The following ABCA6 variants were observed in gnomAD, a reference collection of about 807,000 sequenced individuals.
The protein encoded by ABCA6 is ATP binding cassette subfamily A member 6, also known as ATP-binding cassette sub-family A member 6.
Under a neutral mutation model 191.2 loss-of-function variants are expected in ABCA6, and 164 were observed. The observed-to-expected ratio is 0.86, with a 90% CI of 0.76 to 0.98. The LOEUF (loss-of-function observed/expected upper bound fraction) is 0.98. Ranked by LOEUF, ABCA6 falls within the 50% of genes least tolerant of loss-of-function variation. The pLI is 0.00. For synonymous variants in ABCA6, 636 were observed against 647.7 expected, an observed-to-expected ratio of 0.98 and a Z score of 0.27; for missense variants, 1,958 against 1,894.1, an observed-to-expected ratio of 1.03 and a Z score of -0.63.
At chr17:69,107,991 G>C in intron 17 of ABCA6, 179 bp from the exon 18 acceptor site, 1 of 525,606 alleles carries the variant, frequency 1.9e-6, no homozygotes, top group East Asian at 3.5e-5. Flanking sequence ...AAATGACTAA[G>C]GAAGACCTCT....
At chr17:69,124,745 G>T (rs1021594844) in intron 9 of ABCA6, 143 bp downstream of exon 9, 1 of 438,654 alleles carries the variant, frequency 2.3e-6, no homozygotes, top group Non-Finnish European at 3.9e-6. Flanking sequence ...TAGACCATTA[G>T]AACTATGAAG....
intron 25 of ABCA6, among the ~76,000 whole-genome samples, chr17:69,091,878 G>A (rs1264097762): frequency 1.3e-5 from 2 of 152,010 alleles, no homozygotes; most frequent in African/African-American, 2.4e-5. Flanking sequence ...GAGGATAGAG[G>A]GATTACCTTT....
In ABCA6 at chr17:69,136,197, C is replaced by T; in HGVS notation, c.355G>A (p.Glu119Lys). 6.3e-7 allele frequency: 1 copy of T among 1,599,242 alleles called. No individual in the cohort carries two copies. Among genetic ancestry groups the T allele is most frequent in the Non-Finnish European group, 8.5e-7 (1 of 1,171,916 alleles). The change falls in exon 4 of 39, where the codon GAA becomes AAA. Residue 119 changes from glutamate (E) to lysine (K), a missense_variant. Transcript: ENST00000284425. ...ATTCCCATAGCATATGGTAAATTTT[C>T]CAGAAGTATTTCGTCCATGTGTGTT... ...NKTHMDEILLENLPYAMGIIF... is the reference protein window; with the variant it reads ...NKTHMDEILLKNLPYAMGIIF...
At chr17:69,086,921 T>C (rs1166882148) in intron 29 of ABCA6, among the ~76,000 whole-genome samples, 186 bp from the exon 30 acceptor site, 4 of 152,230 alleles carry the variant, frequency 2.6e-5, no homozygotes, top group Non-Finnish European at 2.9e-5. Flanking sequence ...CTGAGTTTCA[T>C]GGAAGCAGCT....
intron 16 of ABCA6, chr17:69,111,973 C>A (rs545562081): frequency 4.2e-6 from 2 of 477,842 alleles, no homozygotes; most frequent in African/African-American, 4.0e-5. Flanking sequence ...TGTGAAAAGT[C>A]AGGCTTGGTT....
chr17:69,122,591 G>A (rs772676454), intron 10 of ABCA6, among the ~76,000 whole-genome samples: 2 of 151,904 alleles, frequency 1.3e-5, no homozygotes, highest in Non-Finnish European at 2.9e-5. Flanking sequence ...GAGAGTATTA[G>A]GATCTAAGAA....
chr17:69,109,348 A>T (rs2073372564), intron 17 of ABCA6: 1 of 152,216 alleles, frequency 6.6e-6, no homozygotes, highest in African/African-American at 2.4e-5. Context: ...CCATTAGAAC[A>T]GTGCCTAACA....
intron 37 of ABCA6, 57 bp from the exon 38 acceptor site, chr17:69,079,322 AT>A: frequency 1.4e-6 from 2 of 1,399,848 alleles, no homozygotes; most frequent in Non-Finnish European, 2.0e-6. Flanking sequence ...ATTACCAAGA[AT>A]TTTTTCAAAA....
rs1182886821 is a variant in ABCA6, at chr17:69,100,778, C to T, written c.3012+19G>A. On this transcript the variant is annotated intron_variant, in intron 22 of 38. Coordinates refer to ENST00000284425, the MANE Select transcript of ABCA6 (RefSeq NM_080284.3). Reference sequence around the variant, plus strand: ...TGTCCAATTCTTAATTGTTTAGACTCAGTAAATCCAATACTTACAAGAGGA... The same window carrying T: ...TGTCCAATTCTTAATTGTTTAGACTTAGTAAATCCAATACTTACAAGAGGA... The T allele has an allele frequency of 1.9e-6, 3 of 1,596,732 alleles. No individual in the cohort carries two copies. The highest frequency in any genetic ancestry group is 2.3e-5 in the South Asian group (2 of 87,194).
intron 23 of ABCA6, 84 bp from the exon 24 acceptor site, chr17:69,096,885 GA>G (rs2073059306): frequency 8.9e-7 from 1 of 1,125,676 alleles, no homozygotes; most frequent in Non-Finnish European, 1.2e-6. Context: ...CACATTGGAA[GA>G]ATTTTTAAGA....
chr17:69,128,244 A>G (rs1002160631), intron 8 of ABCA6, among the ~76,000 whole-genome samples: 9 of 152,068 alleles, frequency 5.9e-5, no homozygotes, highest in South Asian at 4.1e-4. Flanking sequence ...TTGTGTTTGG[A>G]AAGTTTTTCA....
rs2073044250 is a variant in ABCA6 at position 69,096,329 on chromosome 17, C to G, written c.3319G>C (p.Ala1107Pro). ...ALVIVTPGYA[A>P]SLVFFIYMIS... ...ATATATATGAAGAAGACAAGAGAAG[C>G]TGCATAACCAGGAGTAACTATAACC... Residue 1107 changes from alanine to proline, a missense_variant, in exon 25 of 39, where the codon GCT becomes CCT. Transcript: ENST00000284425. 1.3e-6 allele frequency: 2 copies of G among 1,501,918 alleles called. No homozygotes were observed. Among genetic ancestry groups the G allele is most frequent in the East Asian group, 4.7e-5 (2 of 42,420 alleles). 93.0% of individuals were successfully genotyped at this position (1,501,918 alleles called of 1,614,324 possible).
At chr17:69,129,517 G>T in intron 7 of ABCA6, 93 bp downstream of exon 7, 2 of 1,068,728 alleles carry the variant, frequency 1.9e-6, no homozygotes, top group Non-Finnish European at 2.7e-6. Flanking sequence ...GGACATGAAA[G>T]TAGTGATTGC....
intron 36 of ABCA6, among the ~76,000 whole-genome samples, 175 bp downstream of exon 36, chr17:69,082,698 C>T (rs1183630177): frequency 4.6e-5 from 7 of 152,124 alleles, no homozygotes; most frequent in African/African-American, 1.7e-4. Flanking sequence ...CCAGGGGACA[C>T]AGCTTCCTGG....
rs140576276 is a variant in ABCA6 at position 69,125,891 on chromosome 17, A to C, written c.1120-856T>G. On this transcript the variant is annotated intron_variant, in intron 8 of 38. Transcript: ENST00000284425. ...TTGGTAAAATGTAATATCTATTCAT[A>C]GTAAAGAAAATATCTTCATAAACTA... 6.3e-3 allele frequency among the ~76,000 whole-genome samples: 954 copies of C among 152,300 alleles called. 8 individuals are homozygous for C. The highest frequency in any genetic ancestry group is 0.022 in the African/African-American group (916 of 41,582).
intron 25 of ABCA6, among the ~76,000 whole-genome samples, chr17:69,092,030 C>G (rs1179338088): frequency 6.6e-6 from 1 of 152,102 alleles, no homozygotes; most frequent in African/African-American, 2.4e-5. Flanking sequence ...CCTTCCTGCT[C>G]CATTTCTTCC....
intron 1 of ABCA6, 129 bp downstream of exon 1, chr17:69,141,616 C>T (rs1463435528): frequency 6.6e-6 from 1 of 151,886 alleles, no homozygotes; most frequent in Non-Finnish European, 1.5e-5. Context: ...TGGGAAAAAG[C>T]AGAAAAATTT....
At chr17:69,099,940 G>T (rs2073137406) in intron 22 of ABCA6, among the ~76,000 whole-genome samples, 7 of 49,918 alleles carry the variant, frequency 1.4e-4, no homozygotes, top group Admixed American at 1.3e-3. Context: ...CCTTTGGATG[G>T]CTTCATTTCT....
chr17:69,133,785 T>G lies in ABCA6; in HGVS notation c.647A>C (p.Asn216Thr), dbSNP rs188382333. ...AATAAACATCTCATTGTGAAGAAGA[T>G]TTTTAGTTATGAAAGGTAATGTCTT... ...TMKTLPFITKNLLHNEMFILF... is the reference protein window; with the variant it reads ...TMKTLPFITKTLLHNEMFILF... The change falls in exon 6 of 39, where the codon AAT becomes ACT. Residue 216 changes from asparagine (N) to threonine (T), a missense_variant. Coordinates refer to ENST00000284425, the MANE Select transcript of ABCA6 (RefSeq NM_080284.3). 1.3e-4 allele frequency: 202 copies of G among 1,612,818 alleles called. No homozygotes were observed. In the East Asian group the frequency reaches 4.4e-3, roughly 35 times the overall value.
Sources: allele counts gnomAD v4.1 joint callset (sites outside exome capture counted in the v4.1 genomes callset), GRCh38; gene constraint gnomAD v4.1.1; transcripts MANE v1.5; gene names NCBI Gene and HGNC (gene_info 2026-07-23, HGNC 2026-07-21).